LMF1: variants seen among roughly 807,000 people sequenced by gnomAD.
The protein encoded by LMF1 is transmembrane protein 112.
LMF1 carries 68 observed loss-of-function variants against 60.6 expected under a neutral mutation model. The observed-to-expected ratio is 1.12, with a 90% confidence interval of 0.92 to 1.37. The LOEUF is 1.37. Ranked by LOEUF, LMF1 falls within the 40% of genes most tolerant of loss-of-function variation. LMF1 has a pLI of 0.00. For synonymous variants in LMF1, 418 were observed against 324.7 expected (o/e 1.29, Z -3.09); for missense variants, 948 against 767.2 (o/e 1.24, Z -2.78).
At chr16:935,724 G>T (rs868136768) in intron 2 of LMF1, among the ~76,000 whole-genome samples, 1 of 152,212 alleles carries the variant, frequency 6.6e-6, no homozygotes, top group Non-Finnish European at 1.5e-5. Flanking sequence ...AAGGAGCAAC[G>T]TTGCCTAATG....
chr16:967,393 C>T (rs1004299713), intron 1 of LMF1, among the ~76,000 whole-genome samples: 1 of 152,224 alleles, frequency 6.6e-6, no homozygotes, highest in Non-Finnish European at 1.5e-5. Flanking sequence ...GGCTGCTCTG[C>T]CCTCTGTTCC....
chr16:948,191 GACA>G (rs1457866412), intron 2 of LMF1, among the ~76,000 whole-genome samples: 2 of 151,418 alleles, frequency 1.3e-5, no homozygotes, highest in Non-Finnish European at 2.9e-5. Flanking sequence ...CAGAGTCAGA[GACA>G]ACGACAGAGT....
chr16:975,977 G>GCAAGGAGCCTCGTGAACTCTGTGGACATT (rs141146619), upstream of LMF1: 1 of 452,806 alleles, frequency 2.2e-6, no homozygotes, highest in South Asian at 1.6e-5. Context: ...GACATTCCGG[G>GCAAGGAGCCTCGTGAACTCTGTGGACATT]CAAGGGGCCT....
At position 962,440 on chromosome 16, in the gene LMF1, C is replaced by T. The variant is rs945505766; in HGVS notation, c.194-7774G>A. Among the ~76,000 whole-genome samples, 1 of 149,122 alleles carries T rather than the reference C, an allele frequency of 6.7e-6. No individual in the cohort carries two copies. Among genetic ancestry groups the T allele is most frequent in the Non-Finnish European group, 1.5e-5 (1 of 67,590 alleles). On this transcript the variant is annotated intron_variant, in intron 1 of 10. Transcript: ENST00000262301. The surrounding 1 kb of genome is among the most constrained non-coding windows in gnomAD (Gnocchi z 4.5). ...AGTGAGCGGCTTCCAGAGGACAGAG[C>T]GGGCGGGAAAGCAGGGACCTGTCAG...
chr16:876,552 G>T (rs1002931419), intron 6 of LMF1, among the ~76,000 whole-genome samples: 2 of 152,154 alleles, frequency 1.3e-5, no homozygotes, highest in African/African-American at 2.4e-5. Flanking sequence ...TGGGAGGGGG[G>T]GATAAGGGAA....
chr16:858,376 TGTGAGTGGTGTCTCGGGAC>T (rs2069280544), intron 10 of LMF1, among the ~76,000 whole-genome samples: 1 of 47,084 alleles, frequency 2.1e-5, no homozygotes. Context: ...TCGGGACGGG[TGTGAGTGGTGTCTCGGGAC>T]GGGTGTGAGT....
chr16:968,165 C>A (rs1475028813), intron 1 of LMF1, among the ~76,000 whole-genome samples: 33 of 152,210 alleles, frequency 2.2e-4, no homozygotes, highest in Non-Finnish European at 1.8e-4. Flanking sequence ...AAGGAGCCAG[C>A]CCCAGGACGG....
At chr16:975,641 C>T, upstream of LMF1, 1 of 374,622 alleles carries the variant, frequency 2.7e-6, no homozygotes, top group Non-Finnish European at 5.2e-6. Flanking sequence ...TTGTCTGAAC[C>T]AAGGCCACAG....
At chr16:890,719 G>A (rs1438198416) in intron 5 of LMF1, among the ~76,000 whole-genome samples, 10 of 152,228 alleles carry the variant, frequency 6.6e-5, no homozygotes, top group East Asian at 1.9e-4. Flanking sequence ...GGACACAGTC[G>A]TTGGATTTGG....
intron 5 of LMF1, chr16:885,209 AC>A (rs2070271119): frequency 6.6e-6 from 1 of 152,272 alleles, no homozygotes; most frequent in African/African-American, 2.4e-5. Context: ...TATACTATAA[AC>A]CCTAAAACCA....
intron 2 of LMF1, among the ~76,000 whole-genome samples, chr16:948,162 C>A (rs1439577923): frequency 1.4e-5 from 2 of 139,950 alleles, no homozygotes; most frequent in East Asian, 4.3e-4. Flanking sequence ...TCAGAGCCAA[C>A]GACAGAGTCA....
At chr16:935,797 A>G (rs765800282) in intron 2 of LMF1, among the ~76,000 whole-genome samples, 2 of 152,224 alleles carry the variant, frequency 1.3e-5, no homozygotes, top group Non-Finnish European at 2.9e-5. Context: ...TGCCCATCCC[A>G]GGGCTCCCTA....
chr16:931,386 C>T (rs1567264075), intron 3 of LMF1, among the ~76,000 whole-genome samples: 1 of 152,128 alleles, frequency 6.6e-6, no homozygotes, highest in Non-Finnish European at 1.5e-5. Context: ...AGTGACCGAC[C>T]CCGTGCCCCG....
chr16:863,183 C>G (rs11860064), intron 10 of LMF1, among the ~76,000 whole-genome samples: 2 of 151,908 alleles, frequency 1.3e-5, no homozygotes, highest in Non-Finnish European at 2.9e-5. Context: ...TTTTTCGTTT[C>G]GAGACAGAAT....
intron 2 of LMF1, among the ~76,000 whole-genome samples, chr16:938,796 A>G (rs2072013625): frequency 6.6e-6 from 1 of 152,236 alleles, no homozygotes; most frequent in Non-Finnish European, 1.5e-5. Context: ...CTCAGAGTAC[A>G]TAGTCCATTC....
chr16:922,410 C>G (rs2071456949), intron 3 of LMF1, among the ~76,000 whole-genome samples: 1 of 152,240 alleles, frequency 6.6e-6, no homozygotes, highest in East Asian at 1.9e-4. Context: ...GGGAACTGAT[C>G]CAGCAGGACC....
intron 6 of LMF1, among the ~76,000 whole-genome samples, chr16:876,802 CTGAT>C (rs201092322): frequency 7.2e-5 from 11 of 151,828 alleles, no homozygotes; most frequent in East Asian, 5.8e-4. Context: ...GTTAACATGG[CTGAT>C]TGATTGATAA....
chr16:912,413 G>A (rs1044813629), intron 3 of LMF1, among the ~76,000 whole-genome samples: 2 of 152,162 alleles, frequency 1.3e-5, no homozygotes, highest in Admixed American at 6.5e-5. Flanking sequence ...GAGATACTAC[G>A]GTAAAGTCAA....
intron 6 of LMF1, among the ~76,000 whole-genome samples, chr16:875,307 G>A (rs986909296): frequency 5.3e-5 from 8 of 152,114 alleles, no homozygotes; most frequent in African/African-American, 1.9e-4. Flanking sequence ...AAGGGAACCC[G>A]CAGCCTGGCC....
Sources: allele counts gnomAD v4.1 joint callset (sites outside exome capture counted in the v4.1 genomes callset), GRCh38; gene constraint gnomAD v4.1.1; non-coding constraint Gnocchi (gnomAD v3.1); transcripts MANE v1.5; gene names NCBI Gene and HGNC (gene_info 2026-07-23, HGNC 2026-07-21).